The following MITD1 variants were observed in gnomAD, a reference collection of about 807,000 sequenced individuals.
The protein encoded by MITD1 is MIT domain-containing protein 1.
MITD1 carries 24 observed loss-of-function variants against 34.9 expected under a neutral mutation model. The observed-to-expected ratio is 0.69, with a 90% CI of 0.50 to 0.97. The LOEUF is 0.97. MITD1 is among the 50% of genes least tolerant of loss of function. MITD1 has a pLI of 0.00. For missense variants in MITD1, 266 were observed against 294.6 expected (o/e 0.90, Z 0.71); for synonymous variants, 102 against 101.4 (o/e 1.01, Z -0.04).
intron 2 of MITD1, 41 bp downstream of exon 2, chr2:99,173,872 TCA>T: frequency 8.2e-7 from 1 of 1,214,332 alleles, no homozygotes; most frequent in Non-Finnish European, 1.2e-6. Flanking sequence ...GAATGGACAG[TCA>T]CAGTTGTTTA....
Position 99,171,581 on chromosome 2 carries a change from A to C in MITD1, c.319T>G (p.Phe107Val), listed in dbSNP as rs2093858411. 1 of 1,613,118 alleles carries C rather than the reference A, an allele frequency of 6.2e-7. No individual in the cohort carries two copies. The highest frequency in any genetic ancestry group is 1.3e-5 in the African/African-American group (1 of 74,916). ...ACTGTCTCATTAAGGTATTCGCGAAAAAGTGACTCATAACTGAAACCTGTT... is the reference window on the plus strand; with the variant it reads ...ACTGTCTCATTAAGGTATTCGCGAACAAGTGACTCATAACTGAAACCTGTT... The part of the protein sequence containing the change: ...NATGFSYESL[F>V]REYLNETVTE... Residue 107 changes from phenylalanine to valine, a missense_variant, in exon 3 of 7, where the codon TTT becomes GTT. By Grantham distance (50) the Phe-to-Val change is conservative. Coordinates refer to ENST00000289359, the MANE Select transcript of MITD1 (RefSeq NM_138798.3).
chr2:99,176,524 G>T (rs765999139), intron 1 of MITD1, among the ~76,000 whole-genome samples: 1 of 151,000 alleles, frequency 6.6e-6, no homozygotes, highest in Non-Finnish European at 1.5e-5. Context: ...ACAGGGTTTC[G>T]CCATGTTGGT....
rs1240111896 is a variant in MITD1 at position 99,163,139 on chromosome 2, A to G, written c.*4-921T>C. On this transcript the variant is annotated intron_variant, in intron 7 of 7. Coordinates refer to the MITD1 transcript ENST00000422537. The stretch of plus-strand genomic sequence containing the variant: ...AAAATAAAATGTCTCATACTTGCAC[A>G]TTGTATGTCAAAAAAAAACCTAGTC... 55 of 1,101,794 alleles carry G rather than the reference A, an allele frequency of 5.0e-5. 1 individual carries two copies. The East Asian group carries it at 1.5e-3, about 29-fold the overall frequency. The allele number at this position is 1,101,794 out of a possible 1,614,324, so 68.3% of individuals were successfully genotyped here.
chr2:99,176,477 C>T (rs1339773390), intron 1 of MITD1, among the ~76,000 whole-genome samples: 1 of 152,122 alleles, frequency 6.6e-6, no homozygotes, highest in Non-Finnish European at 1.5e-5. Flanking sequence ...AGGCGCCCGC[C>T]ACCACACCCG....
exon 8 of MITD1, chr2:99,162,007 G>T: frequency 6.2e-7 from 1 of 1,613,116 alleles, no homozygotes. Context: ...CTTTGTAACT[G>T]CCAGGTCCCA....
At chr2:99,163,222 A>G (rs1337601065) in intron 7 of MITD1, 1 of 497,488 alleles carries the variant, frequency 2.0e-6, no homozygotes, top group East Asian at 3.4e-5. Context: ...TCTTTCAGTA[A>G]CTTCTCCCCA....
At chr2:99,179,632 G>A (rs1383121029) in intron 1 of MITD1, among the ~76,000 whole-genome samples, 1 of 151,968 alleles carries the variant, frequency 6.6e-6, no homozygotes, top group Non-Finnish European at 1.5e-5. Context: ...GCGCGATCTC[G>A]GCTCACTGCA....
At chr2:99,180,071 G>T (rs777863865) in intron 1 of MITD1, among the ~76,000 whole-genome samples, 1 of 152,094 alleles carries the variant, frequency 6.6e-6, no homozygotes, top group Non-Finnish European at 1.5e-5. Flanking sequence ...TGTGAGCCAG[G>T]GTTGTGCTGG....
At chr2:99,164,174 C>T (rs1385957030) in intron 7 of MITD1, among the ~76,000 whole-genome samples, 1 of 152,138 alleles carries the variant, frequency 6.6e-6, no homozygotes, top group Non-Finnish European at 1.5e-5. Context: ...TTGAGTTCCC[C>T]TCATTCTTAA....
rs540285890 is a variant in MITD1, at chr2:99,171,247, C to T, written c.477+96G>A. On this transcript the variant is annotated intron_variant, in intron 4 of 6. Coordinates refer to ENST00000289359, the MANE Select transcript of MITD1 (RefSeq NM_138798.3). ...TAAGTTAATTCCCAAGGAAACAAAT[C>T]TAGCTGAAGCACTGCATCTGTGTTC... 42 of 860,124 alleles carry T rather than the reference C, an allele frequency of 4.9e-5. No individual in the cohort carries two copies. The Admixed American group carries it at 6.1e-4, about 12-fold the overall frequency. The allele number at this position is 860,124 out of a possible 1,614,324, so 53.3% of individuals were successfully genotyped here. A position where few individuals can be genotyped will look rare whatever the true frequency, so the allele number is the denominator to read the frequency against.
chr2:99,168,978 T>TCG (rs1553516256), downstream of MITD1, among the ~76,000 whole-genome samples: 1 of 103,030 alleles, frequency 9.7e-6, no homozygotes, highest in Non-Finnish European at 1.9e-5. Context: ...TTTTTTTTTT[T>TCG]CTGATACAGG....
chr2:99,166,858 A>AATAAATATATATAT (rs2093829303), downstream of MITD1, among the ~76,000 whole-genome samples: 1 of 115,422 alleles, frequency 8.7e-6, no homozygotes, highest in Admixed American at 8.5e-5. Context: ...TGGGGTTTTA[A>AATAAATATATATAT]ATATATATAT....
chr2:99,169,127 G>C (rs1404166856), downstream of MITD1: 1 of 266,918 alleles, frequency 3.7e-6, no homozygotes, highest in African/African-American at 2.3e-5. Flanking sequence ...ACATGCTCCC[G>C]CAGCCAAGTA....
At chr2:99,171,263 A>G in intron 4 of MITD1, 80 bp downstream of exon 4, 2 of 1,010,306 alleles carry the variant, frequency 2.0e-6, no homozygotes, top group Non-Finnish European at 3.1e-6. Flanking sequence ...GAAGCACTGC[A>G]TCTGTGTTCT....
chr2:99,163,229 C>T (rs1271766647), intron 7 of MITD1: 3 of 487,680 alleles, frequency 6.2e-6, no homozygotes, highest in Non-Finnish European at 1.1e-5. Context: ...GTAACTTCTC[C>T]CCATCTGAAA....
rs2093850856 is a variant in MITD1 at position 99,170,624 on chromosome 2, C to T, written c.506G>A (p.Gly169Asp). ...GAGTGACTCTTCTATTTCTTGCAGG[C>T]CTCTACTTTGCTGCACTTGCTCAAT... ...EGIEQVQQSR[G>D]LQEIEESLRS... Residue 169 changes from glycine to aspartate, a missense_variant, in exon 5 of 7, where the codon GGC becomes GAC. Gly to Asp is a moderately conservative substitution (Grantham distance 94). Coordinates refer to ENST00000289359, the MANE Select transcript of MITD1 (RefSeq NM_138798.3). 5.0e-6 allele frequency: 8 copies of T among 1,605,840 alleles called. No homozygotes were observed. Among genetic ancestry groups the T allele is most frequent in the Non-Finnish European group, 6.8e-6 (8 of 1,173,326 alleles).
At chr2:99,162,604 T>C (rs753362174) in intron 7 of MITD1, 2 of 1,614,038 alleles carry the variant, frequency 1.2e-6, no homozygotes, top group Non-Finnish European at 1.7e-6. Flanking sequence ...AAAAATCTTT[T>C]GGAAAAGGAT....
downstream of MITD1, among the ~76,000 whole-genome samples, chr2:99,165,061 C>CACACACACACATATAT (rs370053233): frequency 1.5e-5 from 2 of 135,192 alleles, no homozygotes; most frequent in South Asian, 2.5e-4. Flanking sequence ...CACACACACA[C>CACACACACACATATAT]ATATATATAT....
Position 99,181,025 on chromosome 2 carries a change from G to C in MITD1, c.-44C>G. 6.3e-7 allele frequency: 1 copy of C among 1,592,230 alleles called. No homozygotes were observed. ...CCGCCTCAACCCAGGATGAAGTTGA[G>C]CGGGTCTGCTGCGCTTCCGGGAAGT... On this transcript the variant is annotated 5_prime_UTR_variant, in exon 1 of 7. Transcript: ENST00000289359.
Sources: gnomAD v4.1 joint callset for allele counts (sites outside exome capture counted in the v4.1 genomes callset) on GRCh38, gnomAD v4.1.1 for gene constraint, MANE v1.5 for transcripts, NCBI Gene and HGNC (gene_info 2026-07-23, HGNC 2026-07-21) for gene names.